Variants in ASB7 observed in about 807,000 individuals in gnomAD.
ASB7 encodes the protein ankyrin repeat and SOCS box containing 7.
In ASB7, 4 loss-of-function variants were observed where a neutral mutation model predicts 32.5. That is an observed-to-expected ratio of 0.12 (90% CI 0.06 to 0.28). The LOEUF is 0.28. ASB7 is among the 10% of genes least tolerant of loss of function. ASB7 has a pLI of 1.00. For missense variants in ASB7, 181 were observed against 407.1 expected, an observed-to-expected ratio of 0.44 and a Z score of 4.78; for synonymous variants, 172 against 155.6, an observed-to-expected ratio of 1.11 and a Z score of -0.78.
chr15:100,617,333 C>A (rs1369506809), intron 4 of ASB7, among the ~76,000 whole-genome samples: 1 of 152,230 alleles, frequency 6.6e-6, no homozygotes, highest in East Asian at 1.9e-4. Context: ...ATAGTGTGAT[C>A]CACATGGTGC....
rs781537692 is a variant in ASB7, at chr15:100,648,542, A to G, written c.*80A>G. 1.0e-5 allele frequency: 12 copies of G among 1,174,828 alleles called. No individual in the cohort carries two copies. Among genetic ancestry groups the G allele is most frequent in the South Asian group, 4.0e-5 (2 of 50,054 alleles). 72.8% of individuals were successfully genotyped at this position (1,174,828 alleles called of 1,614,324 possible). A position where few individuals can be genotyped will look rare whatever the true frequency, so the allele number is the denominator to read the frequency against. ...TTTTGCCTTGCACAAAGTATATCCT[A>G]TGCAATTTCTGATTTGCTGTGAAAT... is the stretch of plus-strand genomic sequence containing the variant. On this transcript the variant is annotated 3_prime_UTR_variant, in exon 6 of 6. Coordinates refer to ENST00000332783, the MANE Select transcript of ASB7 (RefSeq NM_198243.3).
chr15:100,624,084 CAT>C (rs1056584986), intron 4 of ASB7, among the ~76,000 whole-genome samples: 32 of 152,252 alleles, frequency 2.1e-4, no homozygotes, highest in Middle Eastern at 6.8e-3. Context: ...TGTTCTCACT[CAT>C]GTGGAAGCTA....
intron 4 of ASB7, among the ~76,000 whole-genome samples, chr15:100,626,140 G>C: frequency 6.6e-6 from 1 of 152,102 alleles, no homozygotes; most frequent in East Asian, 1.9e-4. Flanking sequence ...ATAAATAATG[G>C]GCTTCATCAA....
chr15:100,620,902 A>G (rs371835971), intron 4 of ASB7, among the ~76,000 whole-genome samples: 1 of 152,230 alleles, frequency 6.6e-6, no homozygotes, highest in East Asian at 1.9e-4. Flanking sequence ...TTAAGTCTAT[A>G]AAGCAAATCC....
intron 5 of ASB7, chr15:100,645,703 A>T: frequency 2.6e-6 from 4 of 1,565,932 alleles, no homozygotes; most frequent in Non-Finnish European, 3.5e-6. Flanking sequence ...TAGTTTGGGG[A>T]TCCCACAGTC....
chr15:100,622,228 A>T (rs1038883764), intron 4 of ASB7, among the ~76,000 whole-genome samples: 3 of 152,146 alleles, frequency 2.0e-5, no homozygotes, highest in Admixed American at 2.0e-4. Flanking sequence ...AAAACCCAAC[A>T]ACCTAGGAAT....
intron 5 of ASB7, 68 bp from the exon 6 acceptor site, chr15:100,648,255 C>T: frequency 1.4e-6 from 2 of 1,459,792 alleles, no homozygotes; most frequent in Non-Finnish European, 1.8e-6. Flanking sequence ...ATGAACAGTT[C>T]TTTTCAAAAG....
At chr15:100,618,220 G>A (rs968129236) in intron 4 of ASB7, among the ~76,000 whole-genome samples, 2 of 152,106 alleles carry the variant, frequency 1.3e-5, no homozygotes, top group African/African-American at 4.8e-5. Flanking sequence ...AGGTTCAAGC[G>A]ATTCTCCTGT....
At chr15:100,616,174 C>CT (rs796224548) in intron 4 of ASB7, among the ~76,000 whole-genome samples, 6 of 151,240 alleles carry the variant, frequency 4.0e-5, no homozygotes, top group African/African-American at 1.2e-4. Flanking sequence ...CTCTCTTTTT[C>CT]TTTTTTTTTC....
chr15:100,645,834 G>A (rs180884028), intron 5 of ASB7: 53 of 1,191,022 alleles, frequency 4.4e-5, no homozygotes, highest in Non-Finnish European at 6.0e-5. Context: ...CATCCCACAC[G>A]CTAATTTCAT....
chr15:100,606,929 C>T (rs779554736), intron 2 of ASB7, among the ~76,000 whole-genome samples: 24 of 151,994 alleles, frequency 1.6e-4, no homozygotes, highest in Admixed American at 3.3e-4. Flanking sequence ...CCGAGGCGGG[C>T]GGATCACAAG....
intron 5 of ASB7, chr15:100,645,947 C>T: frequency 5.3e-6 from 3 of 571,206 alleles, no homozygotes; most frequent in South Asian, 5.1e-5. Flanking sequence ...CTTGTTAGTC[C>T]CAACTGCTCT....
rs1316493583 is a variant in ASB7 at position 100,629,644 on chromosome 15, A to G, written c.419A>G (p.Lys140Arg). 6.2e-7 allele frequency: 1 copy of G among 1,614,060 alleles called. No homozygotes were observed. Among genetic ancestry groups the G allele is most frequent in the African/African-American group, 1.3e-5 (1 of 74,928 alleles). The change falls in exon 5 of 6, where the codon AAG (lysine) becomes AGG (arginine). Residue 140 changes from lysine to arginine, a missense_variant. By Grantham distance (26) the Lys-to-Arg change is conservative (BLOSUM62 2). Transcript: ENST00000332783. This position sits in a 1 kb window ranked among gnomAD's most constrained non-coding sequence, Gnocchi z 6.8. The part of the protein sequence containing the change: ...DSFVRLLLEF[K>R]AEVDPLSDKG... Reference sequence around the variant, plus strand: ...TTTGTCCGGCTCCTCCTGGAGTTCAAGGCTGAGGTTGACCCACTCAGTGAT... The same window carrying G: ...TTTGTCCGGCTCCTCCTGGAGTTCAGGGCTGAGGTTGACCCACTCAGTGAT...
chr15:100,618,148 G>T (rs2039760032), intron 4 of ASB7, among the ~76,000 whole-genome samples: 1 of 151,990 alleles, frequency 6.6e-6, no homozygotes. Flanking sequence ...ATGGAGTCTT[G>T]CTCTGTCACA....
At chr15:100,611,484 C>CTTTTTTTTTTTTTTTTT (rs61153969) in intron 3 of ASB7, among the ~76,000 whole-genome samples, 12,296 of 76,218 alleles carry the variant, frequency 0.16, 3,670 homozygotes, top group Non-Finnish European at 0.19. Flanking sequence ...TGTTTCGATT[C>CTTTTTTTTTTTTTTTTT]TTTTTTTTTT....
chr15:100,626,320 G>T (rs376891751), intron 4 of ASB7, among the ~76,000 whole-genome samples: 1 of 152,124 alleles, frequency 6.6e-6, no homozygotes, highest in Admixed American at 6.5e-5. Flanking sequence ...GATAAAGGAG[G>T]TGAACAGACA....
intron 5 of ASB7, among the ~76,000 whole-genome samples, chr15:100,633,746 G>C (rs779429401): frequency 6.6e-6 from 1 of 152,208 alleles, no homozygotes; most frequent in Non-Finnish European, 1.5e-5. Flanking sequence ...GACAGCAGTG[G>C]ACATTTTGGA....
At chr15:100,606,302 T>C (rs1351568741) in intron 2 of ASB7, among the ~76,000 whole-genome samples, 1 of 152,228 alleles carries the variant, frequency 6.6e-6, no homozygotes, top group East Asian at 1.9e-4. Context: ...TTTCTTTGAG[T>C]AATAAGCCAT....
chr15:100,635,010 A>G (rs895270232), intron 5 of ASB7, among the ~76,000 whole-genome samples: 1 of 152,162 alleles, frequency 6.6e-6, no homozygotes, highest in Non-Finnish European at 1.5e-5. Flanking sequence ...TGTGCTTTCT[A>G]CCTGGGAATT....
Sources: gnomAD v4.1 joint callset for allele counts (sites outside exome capture counted in the v4.1 genomes callset) on GRCh38, gnomAD v4.1.1 for gene constraint, Gnocchi (gnomAD v3.1) non-coding constraint, MANE v1.5 for transcripts, NCBI Gene and HGNC (gene_info 2026-07-23, HGNC 2026-07-21) for gene names.